NWD2: variants seen among roughly 807,000 people sequenced by gnomAD.
NWD2 encodes the protein NACHT and WD repeat domain-containing protein 2.
Under a neutral mutation model 132.7 loss-of-function variants are expected in NWD2, and 37 were observed. The observed-to-expected ratio is 0.28, with a 90% CI of 0.21 to 0.37. NWD2 has a LOEUF of 0.37. Ranked by LOEUF, NWD2 falls within the 10% of genes least tolerant of loss-of-function variation. The probability of loss-of-function intolerance (pLI) is 1.00; values close to 1 mark genes in which losing one functional copy is unlikely to be tolerated. For synonymous variants in NWD2, 705 were observed against 803.0 expected, an observed-to-expected ratio of 0.88 and a Z score of 2.06; for missense variants, 1,592 against 2,122.4, an observed-to-expected ratio of 0.75 and a Z score of 4.91.
At chr4:37,436,910 C>T (rs1712338071) in intron 5 of NWD2, among the ~76,000 whole-genome samples, 1 of 152,124 alleles carries the variant, frequency 6.6e-6, no homozygotes, top group African/African-American at 2.4e-5. Context: ...AACCAGCTTG[C>T]TCAATTAAAA....
chr4:37,270,329 C>T (rs1418641959), intron 1 of NWD2, among the ~76,000 whole-genome samples: 1 of 151,642 alleles, frequency 6.6e-6, no homozygotes, highest in African/African-American at 2.4e-5. Flanking sequence ...AACTATATCC[C>T]ATTTAAACTT....
chr4:37,245,365 T>G, intron 1 of NWD2, 147 bp downstream of exon 1: 1 of 1,019,852 alleles, frequency 9.8e-7, no homozygotes, highest in East Asian at 2.8e-5. Context: ...GCGTGGGAAT[T>G]TAATTTGAAT....
chr4:37,356,254 T>C (rs1036471099), intron 2 of NWD2, 112 bp from the exon 3 acceptor site: 3 of 540,442 alleles, frequency 5.6e-6, no homozygotes, highest in Non-Finnish European at 9.7e-6. Flanking sequence ...ACTTCCCCTC[T>C]GTAAGAGAAA....
At chr4:37,265,412 A>G (rs1418119354) in intron 1 of NWD2, among the ~76,000 whole-genome samples, 3 of 152,144 alleles carry the variant, frequency 2.0e-5, no homozygotes, top group African/African-American at 7.2e-5. Flanking sequence ...TATTGCTTCT[A>G]TAACAAGCTA....
chr4:37,363,232 T>C (rs1193713539), intron 3 of NWD2, among the ~76,000 whole-genome samples: 13 of 152,196 alleles, frequency 8.5e-5, no homozygotes, highest in Admixed American at 8.5e-4. Flanking sequence ...TCAGCCACTG[T>C]GTCAAAAGCA....
At chr4:37,317,845 T>A (rs547043257) in intron 1 of NWD2, among the ~76,000 whole-genome samples, 2 of 152,326 alleles carry the variant, frequency 1.3e-5, no homozygotes, top group African/African-American at 4.8e-5. Flanking sequence ...CATAGTCAAC[T>A]ATTACTTGAA....
intron 3 of NWD2, among the ~76,000 whole-genome samples, chr4:37,359,951 G>A (rs1375606248): frequency 6.6e-6 from 1 of 152,192 alleles, no homozygotes; most frequent in African/African-American, 2.4e-5. Flanking sequence ...GGGAAACATT[G>A]TAAAGCATAC....
rs1388692410 is a variant in NWD2 at position 37,443,362 on chromosome 4, C to T, written c.1374C>T (p.Asp458=). The T allele has an allele frequency of 1.3e-6, 2 of 1,551,880 alleles. No homozygotes were observed. The highest frequency in any genetic ancestry group is 1.7e-6 in the Non-Finnish European group (2 of 1,147,034). Reference sequence around the variant, plus strand: ...TCGTGAGATTTCTAGGAACGACAGACATGAGCTCTGACCTTAGGACTCTCC... The same window carrying T: ...TCGTGAGATTTCTAGGAACGACAGATATGAGCTCTGACCTTAGGACTCTCC... ...VVIVRFLGTT[D]MSSDLRTLLL... Residue 458 remains aspartate, a synonymous_variant, in exon 7 of 7, where the codon GAC becomes GAT. Transcript: ENST00000309447. This position sits in a 1 kb window ranked among gnomAD's most constrained non-coding sequence, Gnocchi z 4.1.
chr4:37,434,076 A>G (rs1171247469), intron 5 of NWD2, 56 bp downstream of exon 5: 1 of 1,183,100 alleles, frequency 8.5e-7, no homozygotes, highest in Non-Finnish European at 1.2e-6. Context: ...AGGTACATCT[A>G]CTGCTTCCCT....
intron 3 of NWD2, among the ~76,000 whole-genome samples, chr4:37,424,744 T>C (rs1711945450): frequency 6.6e-6 from 1 of 152,158 alleles, no homozygotes; most frequent in Admixed American, 6.5e-5. Flanking sequence ...ATGGCATCCA[T>C]AACCCCAAAT....
chr4:37,386,069 G>A (rs1463895416), intron 3 of NWD2, among the ~76,000 whole-genome samples: 2 of 152,074 alleles, frequency 1.3e-5, no homozygotes, highest in Non-Finnish European at 2.9e-5. Context: ...GTCATGTGAG[G>A]GCTCAAGAGG....
chr4:37,262,617 G>C (rs1245855452), intron 1 of NWD2, among the ~76,000 whole-genome samples: 1 of 152,186 alleles, frequency 6.6e-6, no homozygotes, highest in Non-Finnish European at 1.5e-5. Context: ...TGGGAGGATA[G>C]TGAAATGTGG....
At position 37,337,153 on chromosome 4, in the gene NWD2, A is replaced by T. The variant is rs373529200; in HGVS notation, c.240+11129A>T. Reference sequence around the variant, plus strand: ...AACAGACTAAAACGTATGGTCAGTGATGCATTTGCCTGCTGTATTAATCTT... The same window carrying T: ...AACAGACTAAAACGTATGGTCAGTGTTGCATTTGCCTGCTGTATTAATCTT... On this transcript the variant is annotated intron_variant, in intron 2 of 6. Transcript: ENST00000309447. 1.2e-4 allele frequency among the ~76,000 whole-genome samples: 18 copies of T among 152,298 alleles called. No homozygotes were observed. In the South Asian group the frequency reaches 3.1e-3, roughly 26 times the overall value.
rs1712529103 is a variant in NWD2, at chr4:37,443,109, C to T, written c.1297-176C>T. The stretch of plus-strand genomic sequence containing the variant: ...AGGGTCTCACCTGTAGATTTTGGTA[C>T]ACAAGCTTCATGGCAGTTCTTTGGC... On this transcript the variant is annotated intron_variant, in intron 6 of 6. Transcript: ENST00000309447. The surrounding 1 kb of genome is among the most constrained non-coding windows in gnomAD (Gnocchi z 4.1). Among the ~76,000 whole-genome samples the T allele has an allele frequency of 6.6e-6, 1 of 152,144 alleles. No individual in the cohort carries two copies. Among genetic ancestry groups the T allele is most frequent in the African/African-American group, 2.4e-5 (1 of 41,430 alleles).
intron 3 of NWD2, among the ~76,000 whole-genome samples, chr4:37,399,896 A>G (rs77560462): frequency 6.6e-6 from 1 of 152,202 alleles, no homozygotes; most frequent in Non-Finnish European, 1.5e-5. Context: ...CGGTGTTTTA[A>G]CAAGCTCACC....
intron 3 of NWD2, among the ~76,000 whole-genome samples, chr4:37,367,956 A>G (rs1720134623): frequency 6.6e-6 from 1 of 152,172 alleles, no homozygotes; most frequent in Admixed American, 6.6e-5. Flanking sequence ...AATGAAGTCT[A>G]GAACCCAAGT....
At chr4:37,361,327 A>G (rs1288987282) in intron 3 of NWD2, among the ~76,000 whole-genome samples, 1 of 152,130 alleles carries the variant, frequency 6.6e-6, no homozygotes, top group Non-Finnish European at 1.5e-5. Flanking sequence ...CATTCTTAAA[A>G]ACCAGCATCA....
chr4:37,284,139 G>A (rs774698531), intron 1 of NWD2, among the ~76,000 whole-genome samples: 2 of 152,094 alleles, frequency 1.3e-5, no homozygotes, highest in Admixed American at 6.6e-5. Context: ...CACAGTTGCC[G>A]AGACTGGGAA....
chr4:37,275,500 C>T (rs956140596), intron 1 of NWD2, among the ~76,000 whole-genome samples: 4 of 152,098 alleles, frequency 2.6e-5, no homozygotes, highest in African/African-American at 4.8e-5. Context: ...GGCCATACTG[C>T]CCAAGGTAAT....
Sources: allele counts gnomAD v4.1 joint callset (sites outside exome capture counted in the v4.1 genomes callset), GRCh38; gene constraint gnomAD v4.1.1; non-coding constraint Gnocchi (gnomAD v3.1); transcripts MANE v1.5; gene names NCBI Gene and HGNC (gene_info 2026-07-23, HGNC 2026-07-21).